Variants in RNF13 observed in about 807,000 individuals in gnomAD.
RNF13 encodes the protein E3 ubiquitin-protein ligase RNF13.
RNF13 carries 19 observed loss-of-function variants against 37.7 expected under a neutral mutation model. The observed-to-expected ratio is 0.50, with a 90% CI of 0.35 to 0.74. The LOEUF is 0.74. Among genes scored for constraint, RNF13 ranks in the 30% least tolerant of loss-of-function variants. The probability of loss-of-function intolerance (pLI) is 0.01; values close to 1 mark genes in which losing one functional copy is unlikely to be tolerated. For missense variants in RNF13, 375 were observed against 453.0 expected, an observed-to-expected ratio of 0.83 and a Z score of 1.56; for synonymous variants, 144 against 157.8, an observed-to-expected ratio of 0.91 and a Z score of 0.65.
At chr3:149,826,263 A>G (rs1720492640) in intron 1 of RNF13, among the ~76,000 whole-genome samples, 1 of 152,238 alleles carries the variant, frequency 6.6e-6, no homozygotes, top group African/African-American at 2.4e-5. Flanking sequence ...ATGAATGCAG[A>G]TGCCTCAGAG....
At chr3:149,830,988 C>T (rs1559892118) in intron 1 of RNF13, among the ~76,000 whole-genome samples, 1 of 152,232 alleles carries the variant, frequency 6.6e-6, no homozygotes, top group Non-Finnish European at 1.5e-5. Context: ...ACAGCTTCCA[C>T]GTGGTGTTGA....
Position 149,846,140 on chromosome 3 carries a change from A to T in RNF13, c.114A>T (p.Ala38=). ...TGCCTGTAGAAGCAGACATTTTAGC[A>T]GTAAGTACAGTAAAATTTATTCATG... The part of the protein sequence containing the change: ...NLLPVEADIL[A]YNFENASQTF... The change falls in exon 2 of 10, where the codon GCA becomes GCT. Residue 38 remains alanine (A), a splice_region_variant and synonymous_variant. Coordinates refer to ENST00000392894, the MANE Select transcript of RNF13 (RefSeq NM_183381.3). 1 of 1,562,190 alleles carries T rather than the reference A, an allele frequency of 6.4e-7. No homozygotes were observed. Among genetic ancestry groups the T allele is most frequent in the Non-Finnish European group, 8.8e-7 (1 of 1,137,370 alleles).
intron 1 of RNF13, among the ~76,000 whole-genome samples, chr3:149,838,449 C>G (rs970645238): frequency 4.6e-5 from 7 of 152,258 alleles, no homozygotes; most frequent in Non-Finnish European, 1.0e-4. Flanking sequence ...CCAGGCATTT[C>G]CATACAGATT....
chr3:149,953,965 AGTT>A (rs1417430759), intron 8 of RNF13, among the ~76,000 whole-genome samples: 1 of 152,254 alleles, frequency 6.6e-6, no homozygotes, highest in East Asian at 1.9e-4. Flanking sequence ...ATCAAAATTC[AGTT>A]ATTAAACATA....
In RNF13 at chr3:149,868,055, T is replaced by C. The variant is rs1711554187; in HGVS notation, c.196-3974T>C. ...AGAAACAAAGGAAAATGAAAAAAAA[T>C]CTTCTACACTTTAACTGTGTCCCTC... On this transcript the variant is annotated intron_variant, in intron 3 of 9. Coordinates refer to ENST00000392894, the MANE Select transcript of RNF13 (RefSeq NM_183381.3). 2.0e-5 allele frequency among the ~76,000 whole-genome samples: 3 copies of C among 151,892 alleles called. No individual in the cohort carries two copies. In the South Asian group the frequency reaches 6.2e-4, roughly 31 times the overall value.
intron 6 of RNF13, among the ~76,000 whole-genome samples, chr3:149,905,187 C>A (rs943588173): frequency 6.6e-6 from 1 of 152,110 alleles, no homozygotes; most frequent in Non-Finnish European, 1.5e-5. Context: ...AATTCCCATC[C>A]GTAAGGGTCA....
At chr3:149,958,555 T>C (rs968591578) in intron 8 of RNF13, among the ~76,000 whole-genome samples, 2 of 152,228 alleles carry the variant, frequency 1.3e-5, no homozygotes, top group South Asian at 2.1e-4. Flanking sequence ...GGCACAGCTT[T>C]GAGCCACAGT....
At chr3:149,951,091 A>C (rs141057155) in intron 8 of RNF13, among the ~76,000 whole-genome samples, 41 of 152,262 alleles carry the variant, frequency 2.7e-4, no homozygotes, top group African/African-American at 9.6e-4. Context: ...TTCAGGAGGT[A>C]AAACTCAAAA....
intron 3 of RNF13, among the ~76,000 whole-genome samples, chr3:149,865,335 T>A (rs1303759672): frequency 6.8e-6 from 1 of 147,606 alleles, no homozygotes; most frequent in African/African-American, 2.5e-5. Context: ...TGGTGATATA[T>A]ATATATATAT....
intron 3 of RNF13, among the ~76,000 whole-genome samples, chr3:149,867,550 C>T (rs981110849): frequency 4.0e-5 from 6 of 151,776 alleles, no homozygotes; most frequent in South Asian, 4.2e-4. Flanking sequence ...TAGGCATGAG[C>T]GACCGCACCC....
intron 8 of RNF13, among the ~76,000 whole-genome samples, chr3:149,927,662 G>A (rs1200643099): frequency 6.6e-6 from 1 of 152,080 alleles, no homozygotes; most frequent in Non-Finnish European, 1.5e-5. Flanking sequence ...CTATCCTAAT[G>A]GGTAGGAAGT....
intron 1 of RNF13, among the ~76,000 whole-genome samples, chr3:149,834,509 G>A (rs1199768776): frequency 6.6e-6 from 1 of 152,224 alleles, no homozygotes; most frequent in Non-Finnish European, 1.5e-5. Context: ...GCCCCACCAA[G>A]TCTCATATTG....
chr3:149,864,049 G>C (rs1173964311), intron 3 of RNF13, among the ~76,000 whole-genome samples: 5 of 117,134 alleles, frequency 4.3e-5, no homozygotes, highest in African/African-American at 6.4e-5. Context: ...TTAGAATGAT[G>C]ATGTGGTTGT....
rs192909018 is a variant in RNF13 at position 149,916,966 on chromosome 3, G to A, written c.607-4168G>A. The stretch of plus-strand genomic sequence containing the variant: ...GCTGAAACCCACAACTTTTGATAAG[G>A]AAAATTCTTACTTTCATTTGACTTA... On this transcript the variant is annotated intron_variant, in intron 7 of 9. Transcript: ENST00000392894. Among the ~76,000 whole-genome samples, 729 of 152,104 alleles carry A rather than the reference G, an allele frequency of 4.8e-3. 2 individuals are homozygous for A. The highest frequency in any genetic ancestry group is 0.017 in the African/African-American group (703 of 41,480).
chr3:149,886,283 G>T (rs1253838546), intron 4 of RNF13, among the ~76,000 whole-genome samples: 1 of 152,134 alleles, frequency 6.6e-6, no homozygotes, highest in East Asian at 1.9e-4. Flanking sequence ...CATTGGTTTT[G>T]ATAGACATTG....
At chr3:149,927,976 G>A (rs1458163232) in intron 8 of RNF13, among the ~76,000 whole-genome samples, 1 of 132,288 alleles carries the variant, frequency 7.6e-6, no homozygotes, top group Admixed American at 7.5e-5. Context: ...TTCTTTTTTT[G>A]CTTATGATAT....
intron 1 of RNF13, among the ~76,000 whole-genome samples, chr3:149,833,256 A>G (rs1251836729): frequency 6.6e-6 from 1 of 151,404 alleles, no homozygotes; most frequent in Non-Finnish European, 1.5e-5. Context: ...AGTAGCTGGG[A>G]TTACAGGTGC....
chr3:149,847,878 C>A (rs1041703756), intron 2 of RNF13, among the ~76,000 whole-genome samples: 3 of 151,732 alleles, frequency 2.0e-5, no homozygotes, highest in African/African-American at 7.3e-5. Flanking sequence ...TCATTTATAC[C>A]CAAGGTGGAT....
chr3:149,943,413 A>T (rs1486192909), intron 8 of RNF13, among the ~76,000 whole-genome samples: 2 of 152,000 alleles, frequency 1.3e-5, no homozygotes, highest in East Asian at 3.9e-4. Flanking sequence ...ATTATCCTCC[A>T]AAGCCTATAG....
Sources: gnomAD v4.1 joint callset for allele counts (sites outside exome capture counted in the v4.1 genomes callset) on GRCh38, gnomAD v4.1.1 for gene constraint, MANE v1.5 for transcripts, NCBI Gene and HGNC (gene_info 2026-07-23, HGNC 2026-07-21) for gene names.